Variants in ZC3H18 observed in about 807,000 individuals in gnomAD.
ZC3H18 encodes zinc finger CCCH domain-containing protein 18.
A neutral mutation model predicts 106.1 loss-of-function variants in ZC3H18; 8 were observed. That is an observed-to-expected ratio of 0.08 (90% CI 0.04 to 0.14). The LOEUF is 0.14. ZC3H18 is among the 10% of genes least tolerant of loss of function. The pLI, the probability that ZC3H18 is intolerant of heterozygous loss-of-function variation, is 1.00. For missense variants in ZC3H18, 1,318 were observed against 1,278.4 expected, an observed-to-expected ratio of 1.03 and a Z score of -0.47; for synonymous variants, 635 against 522.1, an observed-to-expected ratio of 1.22 and a Z score of -2.95.
intron 3 of ZC3H18, among the ~76,000 whole-genome samples, chr16:88,591,432 G>A (rs947165259): frequency 6.6e-6 from 1 of 152,142 alleles, no homozygotes; most frequent in Non-Finnish European, 1.5e-5. Context: ...ATTAGCTGGG[G>A]GTGGTAGAGC....
chr16:88,630,719 T>C, intron 17 of ZC3H18, 138 bp downstream of exon 17: 1 of 524,774 alleles, frequency 1.9e-6, no homozygotes, highest in Non-Finnish European at 3.1e-6. Flanking sequence ...TCTGACGGGG[T>C]GAGGGGCATG....
intron 1 of ZC3H18, among the ~76,000 whole-genome samples, chr16:88,576,151 C>G (rs550079089): frequency 2.0e-5 from 3 of 152,096 alleles, no homozygotes; most frequent in Admixed American, 2.0e-4. Flanking sequence ...CCACCTGCCT[C>G]GGGCCTCCCA....
At chr16:88,585,850 A>C (rs959224673) in intron 2 of ZC3H18, among the ~76,000 whole-genome samples, 1 of 152,020 alleles carries the variant, frequency 6.6e-6, no homozygotes, top group Non-Finnish European at 1.5e-5. Context: ...GGCTGGCTGG[A>C]AGAGGCCGGG....
chr16:88,598,532 G>T lies in ZC3H18; in HGVS notation c.838-88G>T, dbSNP rs1050518591. The stretch of plus-strand genomic sequence containing the variant: ...GAGAGCGGCCACACACGGCCGGCTT[G>T]TGTTGTAGTTGATGTTTTTACTGTC... On this transcript the variant is annotated intron_variant, in intron 4 of 17. Coordinates refer to ENST00000301011, the MANE Select transcript of ZC3H18 (RefSeq NM_144604.4). 3.4e-6 allele frequency: 5 copies of T among 1,469,930 alleles called. No individual in the cohort carries two copies. The African/African-American group carries it at 7.0e-5, about 21-fold the overall frequency. 91.1% of individuals were successfully genotyped at this position (1,469,930 alleles called of 1,614,324 possible).
chr16:88,615,147 C>G (rs1269254845), intron 8 of ZC3H18, among the ~76,000 whole-genome samples: 1 of 149,422 alleles, frequency 6.7e-6, no homozygotes. Flanking sequence ...ACGGGCTGCC[C>G]CCACCTCCTC....
intron 3 of ZC3H18, among the ~76,000 whole-genome samples, chr16:88,597,103 A>G (rs1013834627): frequency 2.6e-5 from 4 of 152,114 alleles, no homozygotes; most frequent in African/African-American, 9.7e-5. Flanking sequence ...TGTATTTTTT[A>G]GTAGAGACGG....
Position 88,623,270 on chromosome 16 carries a change from A to G in ZC3H18, c.1719A>G (p.Arg573=). Residue 573 remains arginine (R), a synonymous_variant, in exon 10 of 18, where the codon CGA becomes CGG. Coordinates refer to ENST00000301011, the MANE Select transcript of ZC3H18 (RefSeq NM_144604.4). ...SYSGSGSSRS[R]SRSSSYSSYS... is the part of the protein sequence containing the mutation. ...CTGGCTCCGGCTCCTCCCGGTCGCG[A>G]TCCCGGTCTTCATCCTACAGCTCCT... 6.2e-7 allele frequency: 1 copy of G among 1,613,526 alleles called. No homozygotes were observed. Among genetic ancestry groups the G allele is most frequent in the East Asian group, 2.2e-5 (1 of 44,860 alleles).
At chr16:88,609,443 A>G (rs534037721) in intron 7 of ZC3H18, among the ~76,000 whole-genome samples, 1 of 151,788 alleles carries the variant, frequency 6.6e-6, no homozygotes, top group African/African-American at 2.4e-5. Flanking sequence ...GACCACACGC[A>G]TGCACCACCA....
chr16:88,627,928 A>C lies in ZC3H18; in HGVS notation c.2278A>C (p.Lys760Gln), dbSNP rs1906416487. The C allele has an allele frequency of 1.2e-6, 2 of 1,613,914 alleles. No homozygotes were observed. The highest frequency in any genetic ancestry group is 3.3e-5 in the Admixed American group (2 of 60,012). ...AQTRKEKGKSKKEDGVKEEKR... is the reference protein window; with the variant it reads ...AQTRKEKGKSQKEDGVKEEKR... ...GGATTTATCATTGGTAGGAAAATCT[A>C]AGAAAGAAGACGGTGTTAAAGAGGA... The change falls in exon 15 of 18, where the codon AAG becomes CAG. Residue 760 changes from lysine (K) to glutamine (Q), a missense_variant. Coordinates refer to ENST00000301011, the MANE Select transcript of ZC3H18 (RefSeq NM_144604.4). The surrounding 1 kb of genome is among the most constrained non-coding windows in gnomAD (Gnocchi z 4.5).
chr16:88,631,090 C>A lies in ZC3H18; in HGVS notation c.2664-11C>A, dbSNP rs567577195. 1.5e-4 allele frequency: 236 copies of A among 1,611,212 alleles called. No individual in the cohort carries two copies. Among genetic ancestry groups the A allele is most frequent in the Non-Finnish European group, 1.8e-4 (217 of 1,179,944 alleles). On this transcript the variant is annotated splice_polypyrimidine_tract_variant and intron_variant, in intron 17 of 17. Coordinates refer to ENST00000301011, the MANE Select transcript of ZC3H18 (RefSeq NM_144604.4). ...TTCTGGGGGCTCAAGGTCTTCCCCA[C>A]CCCCTTGTAGGAAGCGCCAGCTGTC...
intron 3 of ZC3H18, among the ~76,000 whole-genome samples, chr16:88,594,194 A>G (rs757142455): frequency 6.6e-6 from 1 of 152,206 alleles, no homozygotes; most frequent in Admixed American, 6.5e-5. Context: ...AGCATTCAAG[A>G]GATTCGCAAA....
rs571143827 is a variant in ZC3H18 at position 88,598,432 on chromosome 16, C to T, written c.837+106C>T. 1.5e-4 allele frequency: 232 copies of T among 1,508,074 alleles called. No individual in the cohort carries two copies. The African/African-American group carries it at 2.2e-3, about 14-fold the overall frequency. 93.4% of individuals were successfully genotyped at this position (1,508,074 alleles called of 1,614,324 possible). A position where few individuals can be genotyped will look rare whatever the true frequency, so the allele number is the denominator to read the frequency against. On this transcript the variant is annotated intron_variant, in intron 4 of 17. Transcript: ENST00000301011. ...GTGCCTTAGCACAGGCTCAGTGCCC[C>T]CTTTCGGCTGCTTCTGTCGTCCCGA...
chr16:88,605,243 C>A (rs1904955595), intron 6 of ZC3H18, among the ~76,000 whole-genome samples: 1 of 152,232 alleles, frequency 6.6e-6, no homozygotes, highest in South Asian at 2.1e-4. Context: ...GCCTGCTCCA[C>A]ATGGGTAAGC....
intron 2 of ZC3H18, among the ~76,000 whole-genome samples, chr16:88,579,070 CTG>C (rs1226731809): frequency 1.3e-5 from 2 of 152,216 alleles, no homozygotes; most frequent in African/African-American, 4.8e-5. Flanking sequence ...TCGCTGCTCT[CTG>C]TGGCACTGCT....
At chr16:88,629,916 G>A (rs1906553439) in intron 16 of ZC3H18, among the ~76,000 whole-genome samples, 1 of 152,242 alleles carries the variant, frequency 6.6e-6, no homozygotes, top group African/African-American at 2.4e-5. Flanking sequence ...ACAGGAAGAG[G>A]AAGCTGCTCA....
Position 88,589,966 on chromosome 16 carries a change from C to G in ZC3H18, c.688+3282C>G, listed in dbSNP as rs552425968. On this transcript the variant is annotated intron_variant, in intron 3 of 17. Coordinates refer to ENST00000301011, the MANE Select transcript of ZC3H18 (RefSeq NM_144604.4). ...ATTTTATGTTATGTGAATTGTGTCA[C>G]AATTAGAAAATTCTTTTCTTAGAAA... is the stretch of plus-strand genomic sequence containing the variant. Among the ~76,000 whole-genome samples, 10 of 152,300 alleles carry G rather than the reference C, an allele frequency of 6.6e-5. No homozygotes were observed. The South Asian group carries it at 2.1e-3, about 32-fold the overall frequency.
At chr16:88,581,511 A>G (rs893768562) in intron 2 of ZC3H18, among the ~76,000 whole-genome samples, 1 of 152,186 alleles carries the variant, frequency 6.6e-6, no homozygotes, top group Non-Finnish European at 1.5e-5. Context: ...TGATGCAAGT[A>G]TCTTCTGGAA....
In ZC3H18 at chr16:88,627,909, A is replaced by G. The variant is rs1906415287; in HGVS notation, c.2270-11A>G. On this transcript the variant is annotated splice_polypyrimidine_tract_variant and intron_variant, in intron 14 of 17. Coordinates refer to ENST00000301011, the MANE Select transcript of ZC3H18 (RefSeq NM_144604.4). The surrounding 1 kb of genome is among the most constrained non-coding windows in gnomAD (Gnocchi z 4.5). ...CCAGTACCCCCATGACTGCGGATTT[A>G]TCATTGGTAGGAAAATCTAAGAAAG... The G allele has an allele frequency of 6.2e-7, 1 of 1,613,912 alleles. No individual in the cohort carries two copies. The highest frequency in any genetic ancestry group is 2.2e-5 in the East Asian group (1 of 44,890).
At chr16:88,624,781 C>A in intron 12 of ZC3H18, 36 bp downstream of exon 12, 1 of 1,580,042 alleles carries the variant, frequency 6.3e-7, no homozygotes, top group Non-Finnish European at 8.6e-7. Flanking sequence ...TCAGGCTTTC[C>A]GTGTTCTTGG....
Sources: gnomAD v4.1 joint callset for allele counts (sites outside exome capture counted in the v4.1 genomes callset) on GRCh38, gnomAD v4.1.1 for gene constraint, Gnocchi (gnomAD v3.1) non-coding constraint, MANE v1.5 for transcripts, NCBI Gene and HGNC (gene_info 2026-07-23, HGNC 2026-07-21) for gene names.